ACTR3B: variants seen among roughly 807,000 people sequenced by gnomAD.
ACTR3B encodes the protein actin related protein 3B.
Under a neutral mutation model 59.0 loss-of-function variants are expected in ACTR3B, and 8 were observed. That is an observed-to-expected ratio of 0.14 (90% CI 0.08 to 0.24). ACTR3B has a LOEUF of 0.24. Among genes scored for constraint, ACTR3B ranks in the 10% least tolerant of loss-of-function variants. The probability of loss-of-function intolerance (pLI) is 1.00; values close to 1 mark genes in which losing one functional copy is unlikely to be tolerated. For missense variants in ACTR3B, 245 were observed against 552.3 expected (o/e 0.44, Z 5.58); for synonymous variants, 148 against 197.9 (o/e 0.75, Z 2.12).
At chr7:152,790,607 G>C (rs536777305) in intron 2 of ACTR3B, among the ~76,000 whole-genome samples, 1 of 152,204 alleles carries the variant, frequency 6.6e-6, no homozygotes, top group East Asian at 1.9e-4. Flanking sequence ...AGATTGGACT[G>C]TAATTTTGAT....
chr7:152,819,398 G>A (rs1406545964), intron 6 of ACTR3B, among the ~76,000 whole-genome samples: 2 of 152,232 alleles, frequency 1.3e-5, no homozygotes, highest in Non-Finnish European at 2.9e-5. Flanking sequence ...TGAAACCTGA[G>A]TGTCTTTACC....
chr7:152,838,515 C>T (rs1338661293), intron 9 of ACTR3B, among the ~76,000 whole-genome samples: 1 of 151,904 alleles, frequency 6.6e-6, no homozygotes, highest in Non-Finnish European at 1.5e-5. Context: ...GAGGAGAACA[C>T]CACACATCCG....
chr7:152,777,256 T>G (rs1451566256), intron 1 of ACTR3B, among the ~76,000 whole-genome samples: 1 of 152,204 alleles, frequency 6.6e-6, no homozygotes, highest in African/African-American at 2.4e-5. Context: ...TTTAGTGATA[T>G]TCAATATTTC....
chr7:152,783,968 T>TAC (rs2098163331), intron 2 of ACTR3B, among the ~76,000 whole-genome samples: 1 of 152,054 alleles, frequency 6.6e-6, no homozygotes, highest in South Asian at 2.1e-4. Context: ...CAAGTACCTG[T>TAC]AATCCCAGCG....
chr7:152,831,726 C>T (rs1366549939), intron 9 of ACTR3B, among the ~76,000 whole-genome samples: 4 of 152,088 alleles, frequency 2.6e-5, no homozygotes, highest in South Asian at 2.1e-4. Context: ...GGAGAAGTAG[C>T]GCAATCCTGT....
chr7:152,777,369 CTGTT>C (rs915268944), intron 1 of ACTR3B, among the ~76,000 whole-genome samples: 2 of 152,092 alleles, frequency 1.3e-5, no homozygotes, highest in Non-Finnish European at 2.9e-5. Flanking sequence ...AGGCATGTCT[CTGTT>C]TGTCTGCTTG....
intron 1 of ACTR3B, among the ~76,000 whole-genome samples, chr7:152,766,381 C>T (rs115903040): frequency 7.8e-4 from 119 of 152,312 alleles, no homozygotes; most frequent in African/African-American, 2.7e-3. Flanking sequence ...GTGCATAGCA[C>T]GTGCCGGAAT....
chr7:152,769,246 G>T (rs1453505785), intron 1 of ACTR3B, among the ~76,000 whole-genome samples: 1 of 152,070 alleles, frequency 6.6e-6, no homozygotes, highest in Non-Finnish European at 1.5e-5. Context: ...AGGTCTCCTC[G>T]CATTTTCTGT....
intron 1 of ACTR3B, among the ~76,000 whole-genome samples, chr7:152,782,969 A>G (rs555044715): frequency 6.6e-6 from 1 of 151,942 alleles, no homozygotes; most frequent in Admixed American, 6.6e-5. Context: ...TTTCTACTAG[A>G]AACAAGCATA....
At chr7:152,792,563 A>G (rs1285517593) in intron 2 of ACTR3B, among the ~76,000 whole-genome samples, 5 of 152,140 alleles carry the variant, frequency 3.3e-5, no homozygotes, top group Non-Finnish European at 5.9e-5. Flanking sequence ...CCTGGCCAAC[A>G]TGGTGAAACC....
At chr7:152,845,508 C>T (rs1207714634) in intron 9 of ACTR3B, among the ~76,000 whole-genome samples, 1 of 152,242 alleles carries the variant, frequency 6.6e-6, no homozygotes, top group East Asian at 1.9e-4. Flanking sequence ...CCGTGCTGAG[C>T]TGGACACTTG....
chr7:152,794,241 CAG>C (rs1343949428), intron 2 of ACTR3B, among the ~76,000 whole-genome samples: 5 of 152,078 alleles, frequency 3.3e-5, no homozygotes, highest in Non-Finnish European at 7.4e-5. Flanking sequence ...ATTTTTTACA[CAG>C]AGTCTTGCTC....
intron 2 of ACTR3B, among the ~76,000 whole-genome samples, chr7:152,785,472 A>AGG (rs1424191661): frequency 3.8e-4 from 6 of 15,664 alleles, no homozygotes; most frequent in African/African-American, 1.5e-3. Context: ...GGGGAGGGGG[A>AGG]GGGAGAGAGA....
intron 1 of ACTR3B, among the ~76,000 whole-genome samples, chr7:152,772,930 G>GATAC (rs1310020418): frequency 6.6e-6 from 1 of 151,256 alleles, no homozygotes; most frequent in Non-Finnish European, 1.5e-5. Flanking sequence ...GGGAGTGGGA[G>GATAC]ATACCACTGT....
intron 5 of ACTR3B, among the ~76,000 whole-genome samples, chr7:152,816,117 T>C (rs1384449159): frequency 1.3e-5 from 2 of 152,092 alleles, no homozygotes; most frequent in African/African-American, 4.8e-5. Flanking sequence ...TGGCTAATTT[T>C]TGTATTATTT....
rs772548214 is a variant in ACTR3B, at chr7:152,759,867, G to A, written c.-16G>A. The A allele has an allele frequency of 1.0e-4, 132 of 1,306,156 alleles. No individual in the cohort carries two copies. The highest frequency in any genetic ancestry group is 1.2e-4 in the Non-Finnish European group (122 of 1,019,524). The allele number at this position is 1,306,156 out of a possible 1,614,324, so 80.9% of individuals were successfully genotyped here. A position where few individuals can be genotyped will look rare whatever the true frequency, so the allele number is the denominator to read the frequency against. On this transcript the variant is annotated 5_prime_UTR_variant, in exon 1 of 12. Coordinates refer to ENST00000256001, the MANE Select transcript of ACTR3B (RefSeq NM_020445.6). ...TCTCGGGCTGCCGGCGGGGCCGAGC[G>A]CCGCGCGTCCCGAGCATGGCAGGCT...
intron 5 of ACTR3B, among the ~76,000 whole-genome samples, chr7:152,814,913 T>G (rs947362360): frequency 1.3e-5 from 2 of 152,186 alleles, no homozygotes; most frequent in Non-Finnish European, 2.9e-5. Context: ...TGACAAGATA[T>G]AGGTGTAGAT....
At chr7:152,789,685 G>A (rs1483017321) in intron 2 of ACTR3B, among the ~76,000 whole-genome samples, 4 of 151,682 alleles carry the variant, frequency 2.6e-5, no homozygotes, top group South Asian at 2.1e-4. Context: ...CTAACACTTC[G>A]TGTTTCTTTT....
Position 152,768,540 on chromosome 7 carries a change from G to A in ACTR3B, c.44+8614G>A, listed in dbSNP as rs1263166724. ...TGCCCAGGCTGGAGTGCAATGGAGC[G>A]ATCTCGGCTCACTGCAACCTCCACC... On this transcript the variant is annotated intron_variant, in intron 1 of 11. Coordinates refer to ENST00000256001, the MANE Select transcript of ACTR3B (RefSeq NM_020445.6). Among the ~76,000 whole-genome samples, 30 of 151,956 alleles carry A rather than the reference G, an allele frequency of 2.0e-4. 1 individual carries two copies. Among genetic ancestry groups the A allele is most frequent in the Admixed American group, 1.0e-3 (16 of 15,252 alleles).
Sources: gnomAD v4.1 joint callset for allele counts (sites outside exome capture counted in the v4.1 genomes callset) on GRCh38, gnomAD v4.1.1 for gene constraint, MANE v1.5 for transcripts, NCBI Gene and HGNC (gene_info 2026-07-23, HGNC 2026-07-21) for gene names.